Variants in ASB10 observed in about 807,000 individuals in gnomAD.
The protein encoded by ASB10 is ankyrin repeat and SOCS box protein 10.
Under a neutral mutation model 35.4 loss-of-function variants are expected in ASB10, and 44 were observed. That is an observed-to-expected ratio of 1.24 (90% CI 0.98 to 1.60). ASB10 has a LOEUF of 1.60. Ranked by LOEUF, ASB10 falls within the 40% of genes most tolerant of loss-of-function variation. The pLI is 0.00. For synonymous variants in ASB10, 294 were observed against 280.4 expected (o/e 1.05, Z -0.49); for missense variants, 647 against 634.3 (o/e 1.02, Z -0.22).
Position 151,182,442 on chromosome 7 carries a change from G to A in ASB10, c.585-984C>T, listed in dbSNP as rs1801512931. Among the ~76,000 whole-genome samples, 3 of 152,172 alleles carry A rather than the reference G, an allele frequency of 2.0e-5. 1 individual carries two copies. The South Asian group carries it at 6.2e-4, about 31-fold the overall frequency. ...AAGATACAAAAATTAGCCAGGTGTAGTGGTGGGCCCCTGTAATCCCAGCTA... is the reference window on the plus strand; with the variant it reads ...AAGATACAAAAATTAGCCAGGTGTAATGGTGGGCCCCTGTAATCCCAGCTA... On this transcript the variant is annotated intron_variant, in intron 2 of 5. Coordinates refer to ENST00000420175, the MANE Select transcript of ASB10 (RefSeq NM_001142459.2).
In ASB10 at chr7:151,178,704, C is replaced by A. The variant is rs532107526; in HGVS notation, c.1105-2028G>T. Among the ~76,000 whole-genome samples, 541 of 152,314 alleles carry A rather than the reference C, an allele frequency of 3.6e-3. 3 individuals carry two copies. Among genetic ancestry groups the A allele is most frequent in the Middle Eastern group, 6.8e-3 (2 of 294 alleles). On this transcript the variant is annotated intron_variant, in intron 3 of 5. Coordinates refer to ENST00000420175, the MANE Select transcript of ASB10 (RefSeq NM_001142459.2). ...CGAGAGTACCAATGAGCAGTGGGAGCAGAAGGCCTGGCCTTCCAGGGGTCC... is the reference window on the plus strand; with the variant it reads ...CGAGAGTACCAATGAGCAGTGGGAGAAGAAGGCCTGGCCTTCCAGGGGTCC...
intron 2 of ASB10, among the ~76,000 whole-genome samples, chr7:151,184,255 A>G (rs1563574079): frequency 6.6e-6 from 1 of 152,048 alleles, no homozygotes; most frequent in Non-Finnish European, 1.5e-5. Context: ...CTACTAAAAA[A>G]TACAAAAAGT....
At chr7:151,187,258 C>T (rs1801618644), upstream of ASB10, 1 of 1,515,694 alleles carries the variant, frequency 6.6e-7, no homozygotes, top group Non-Finnish European at 8.9e-7. This position sits in a 1 kb window ranked among gnomAD's most constrained non-coding sequence, Gnocchi z 5.3. Flanking sequence ...GCTGACCTGG[C>T]CACGCATCCA....
chr7:151,183,949 A>G (rs1801540119), intron 2 of ASB10, among the ~76,000 whole-genome samples: 1 of 152,224 alleles, frequency 6.6e-6, no homozygotes, highest in Non-Finnish European at 1.5e-5. Context: ...TAAATAAAAT[A>G]TAATTAATTT....
chr7:151,176,577 G>T lies in ASB10; in HGVS notation c.1204C>A (p.Pro402Thr), dbSNP rs919533. 52,124 of 1,550,964 alleles carry T rather than the reference G, an allele frequency of 0.034. 1,855 individuals are homozygous for T. The highest frequency in any genetic ancestry group is 0.18 in the African/African-American group (12,799 of 73,044). Reference sequence around the variant, plus strand: ...TGGAATCTGACCTGCAGAGTTTCAGGAGTCACCAGGCCGACGGCCTCCTCG... The same window carrying T: ...TGGAATCTGACCTGCAGAGTTTCAGTAGTCACCAGGCCGACGGCCTCCTCG... ...LPEEAVGLVTPETLQKHQRFY... is the reference protein window; with the variant it reads ...LPEEAVGLVTTETLQKHQRFY... The change falls in exon 4 of 6, where the codon CCT (proline) becomes ACT (threonine). Residue 402 changes from proline (P) to threonine (T), a missense_variant. Coordinates refer to ENST00000420175, the MANE Select transcript of ASB10 (RefSeq NM_001142459.2).
chr7:151,182,472 G>A (rs1399660614), intron 2 of ASB10, among the ~76,000 whole-genome samples: 1 of 152,152 alleles, frequency 6.6e-6, no homozygotes, highest in Non-Finnish European at 1.5e-5. Flanking sequence ...CAGCTACTTG[G>A]GAGGCTGAGG....
At chr7:151,182,772 T>A (rs901873873) in intron 2 of ASB10, among the ~76,000 whole-genome samples, 4 of 151,976 alleles carry the variant, frequency 2.6e-5, no homozygotes, top group African/African-American at 9.7e-5. Flanking sequence ...GAGGTGGTTG[T>A]GAGCAGCACG....
rs762359917 is a variant in ASB10, at chr7:151,186,936, C to T, written c.195G>A (p.Gly65=). 8 of 1,613,668 alleles carry T rather than the reference C, an allele frequency of 5.0e-6. No homozygotes were observed. In the Admixed American group the frequency reaches 1.2e-4, roughly 24 times the overall value. Reference sequence around the variant, plus strand: ...GGATGCGGGAGACACAGCCCACGTCCCCAGCCAGCACTGCCTGCCAGAAGG... The same window carrying T: ...GGATGCGGGAGACACAGCCCACGTCTCCAGCCAGCACTGCCTGCCAGAAGG... The part of the protein sequence containing the change: ...ALAFWQAVLA[G]DVGCVSRILA... Residue 65 remains glycine, a synonymous_variant, in exon 1 of 6, where the codon GGG becomes GGA. Transcript: ENST00000420175.
At chr7:151,185,601 CA>C (rs1454049970) in intron 2 of ASB10, among the ~76,000 whole-genome samples, 1 of 152,116 alleles carries the variant, frequency 6.6e-6, no homozygotes, top group Non-Finnish European at 1.5e-5. Context: ...AGGAGAACCC[CA>C]GGGTCAATAA....
At chr7:151,187,492 C>A, upstream of ASB10, 1 of 1,551,330 alleles carries the variant, frequency 6.4e-7, no homozygotes, top group Non-Finnish European at 8.7e-7. This position sits in a 1 kb window ranked among gnomAD's most constrained non-coding sequence, Gnocchi z 5.3. Context: ...CGGCCCGGCT[C>A]TCCAGCAGCA....
Position 151,180,897 on chromosome 7 carries a change from C to T in ASB10, c.1104+42G>A, listed in dbSNP as rs374765541. On this transcript the variant is annotated intron_variant, in intron 3 of 5. Coordinates refer to ENST00000420175, the MANE Select transcript of ASB10 (RefSeq NM_001142459.2). ...GAGCACAGGCCCAGGTCTCCCTGTC[C>T]CCTCACCATGGTGGCCCTCCTGCTG... is the stretch of plus-strand genomic sequence containing the variant. 2.3e-4 allele frequency: 331 copies of T among 1,446,858 alleles called. 1 individual carries two copies. In the African/African-American group the frequency reaches 3.9e-3, roughly 17 times the overall value. 89.6% of individuals were successfully genotyped at this position (1,446,858 alleles called of 1,614,324 possible). A position where few individuals can be genotyped will look rare whatever the true frequency, so the allele number is the denominator to read the frequency against.
intron 2 of ASB10, among the ~76,000 whole-genome samples, chr7:151,183,270 C>T (rs1193485737): frequency 1.3e-5 from 2 of 152,174 alleles, no homozygotes; most frequent in East Asian, 1.9e-4. Flanking sequence ...GGAATGGTGG[C>T]ATGGGCCTGT....
At chr7:151,184,825 A>G (rs947825980) in intron 2 of ASB10, among the ~76,000 whole-genome samples, 1 of 152,076 alleles carries the variant, frequency 6.6e-6, no homozygotes, top group African/African-American at 2.4e-5. Context: ...GATTGAGACC[A>G]TCCTGGCTAA....
At chr7:151,183,897 T>A (rs1440681438) in intron 2 of ASB10, among the ~76,000 whole-genome samples, 2 of 151,994 alleles carry the variant, frequency 1.3e-5, no homozygotes, top group Non-Finnish European at 2.9e-5. Context: ...CAATTTTATA[T>A]TGATTACATG....
chr7:151,183,470 T>A (rs148065739), intron 2 of ASB10, among the ~76,000 whole-genome samples: 212 of 152,232 alleles, frequency 1.4e-3, no homozygotes, highest in African/African-American at 4.8e-3. Context: ...TACAGTGGCG[T>A]GATCTCCACT....
intron 2 of ASB10, among the ~76,000 whole-genome samples, chr7:151,185,063 T>G (rs927716589): frequency 1.3e-5 from 2 of 151,524 alleles, no homozygotes; most frequent in African/African-American, 4.9e-5. Flanking sequence ...CAAAGGCAAA[T>G]TTCATGTATA....
intron 2 of ASB10, among the ~76,000 whole-genome samples, chr7:151,183,710 C>T (rs1584816613): frequency 6.6e-6 from 1 of 152,090 alleles, no homozygotes; most frequent in African/African-American, 2.4e-5. Flanking sequence ...CTCAGCCTCC[C>T]GAGTAGCTGG....
chr7:151,185,301 T>C (rs998848809), intron 2 of ASB10, among the ~76,000 whole-genome samples: 3 of 151,870 alleles, frequency 2.0e-5, no homozygotes, highest in African/African-American at 7.3e-5. Flanking sequence ...GTATTTTTAG[T>C]AGAGACAAGG....
Position 151,181,042 on chromosome 7 carries a change from G to C in ASB10, c.1001C>G (p.Ala334Gly). The C allele has an allele frequency of 6.2e-7, 1 of 1,611,348 alleles. No individual in the cohort carries two copies. The highest frequency in any genetic ancestry group is 1.1e-5 in the South Asian group (1 of 91,054). ...CAGGGCTGCAGCTGGGCCCTGCAGA[G>C]CACAGTGCAGGGGCGTGTGTCCCCC... ...DYGGHTPLHC[A>G]LQGPAAALAQ... Residue 334 changes from alanine to glycine, a missense_variant, in exon 3 of 6, where the codon GCT becomes GGT. Physicochemically the swap from Ala to Gly is moderately conservative, Grantham distance 60 (BLOSUM62 0). Transcript: ENST00000420175.
Sources: gnomAD v4.1 joint callset for allele counts (sites outside exome capture counted in the v4.1 genomes callset) on GRCh38, gnomAD v4.1.1 for gene constraint, Gnocchi (gnomAD v3.1) non-coding constraint, MANE v1.5 for transcripts, NCBI Gene and HGNC (gene_info 2026-07-23, HGNC 2026-07-21) for gene names.